The following CACNA1E variants were observed in gnomAD, a reference collection of about 807,000 sequenced individuals.
The protein encoded by CACNA1E is calcium voltage-gated channel subunit alpha1 E.
In CACNA1E, 40 loss-of-function variants were observed where a neutral mutation model predicts 259.2. The ratio of observed to expected loss-of-function variants is 0.15; its 90% CI spans 0.12 to 0.20. The LOEUF (loss-of-function observed/expected upper bound fraction) is 0.20, where lower values mean the gene tolerates loss of function less well. CACNA1E is among the 10% of genes least tolerant of loss of function. The probability of loss-of-function intolerance (pLI) is 1.00; values close to 1 mark genes in which losing one functional copy is unlikely to be tolerated. For missense variants in CACNA1E, 1,874 were observed against 3,040.1 expected, an observed-to-expected ratio of 0.62 and a Z score of 9.02; for synonymous variants, 1,104 against 1,138.5, an observed-to-expected ratio of 0.97 and a Z score of 0.61.
chr1:181,745,301 A>T, intron 25 of CACNA1E: 1 of 455,698 alleles, frequency 2.2e-6, no homozygotes. Flanking sequence ...CCTTTATCTT[A>T]TGGAGGCAAT....
intron 8 of CACNA1E, 50 bp downstream of exon 8, chr1:181,711,119 A>AG (rs779846689): frequency 9.5e-6 from 12 of 1,263,150 alleles, no homozygotes; most frequent in Non-Finnish European, 1.4e-5. Context: ...CAGAGACATC[A>AG]GGGCCGGCCC....
At chr1:181,660,291 A>G (rs916783852) in intron 7 of CACNA1E, among the ~76,000 whole-genome samples, 28 of 152,204 alleles carry the variant, frequency 1.8e-4, no homozygotes, top group Non-Finnish European at 1.2e-4. Flanking sequence ...GTGTTTATTG[A>G]GTGTCTGCTA....
intron 3 of CACNA1E, among the ~76,000 whole-genome samples, chr1:181,513,059 A>G (rs12406804): frequency 0.076 from 11,603 of 152,250 alleles, 590 homozygotes; most frequent in South Asian, 0.25. Context: ...AAAGTATTGT[A>G]ATGTGTATAT....
At position 181,382,647 on chromosome 1, in the gene CACNA1E, C is replaced by T. The variant is rs186843348; in HGVS notation, c.-14-30486C>T. On this transcript the variant is annotated intron_variant, in intron 1 of 11. Coordinates refer to the CACNA1E transcript ENST00000524607. ...GGCCTAATATTACTCCTTGACCAAC[C>T]ACCTTATTTTCCACTCTGCTCTGTA... 2.6e-5 allele frequency among the ~76,000 whole-genome samples: 4 copies of T among 152,258 alleles called. No homozygotes were observed. In the East Asian group the frequency reaches 7.7e-4, roughly 29 times the overall value.
intron 6 of CACNA1E, among the ~76,000 whole-genome samples, chr1:181,597,309 A>G (rs2103048200): frequency 6.6e-6 from 1 of 152,260 alleles, no homozygotes; most frequent in East Asian, 1.9e-4. Context: ...GGGCTCCCTT[A>G]TTATTGTCAA....
At chr1:181,744,369 C>T (rs936699971) in intron 25 of CACNA1E, among the ~76,000 whole-genome samples, 1 of 152,286 alleles carries the variant, frequency 6.6e-6, no homozygotes, top group African/African-American at 2.4e-5. Flanking sequence ...GTAACCCCAA[C>T]GAGTCGGGAG....
intron 3 of CACNA1E, among the ~76,000 whole-genome samples, chr1:181,556,143 G>A (rs974883378): frequency 2.0e-5 from 3 of 152,146 alleles, no homozygotes; most frequent in African/African-American, 7.2e-5. Context: ...GTGTAAGGAT[G>A]CAGGATGGGT....
chr1:181,426,006 T>G (rs1401807837), intron 2 of CACNA1E, among the ~76,000 whole-genome samples: 2 of 152,076 alleles, frequency 1.3e-5, no homozygotes, highest in Non-Finnish European at 2.9e-5. Context: ...CTGCAACCCT[T>G]CCCAAATTTA....
At chr1:181,588,525 T>TA (rs1652317335) in intron 6 of CACNA1E, among the ~76,000 whole-genome samples, 1 of 152,174 alleles carries the variant, frequency 6.6e-6, no homozygotes, top group Admixed American at 6.5e-5. Context: ...AAGTTATTCC[T>TA]ACTCATTGCA....
intron 1 of CACNA1E, among the ~76,000 whole-genome samples, chr1:181,408,763 G>A (rs913599633): frequency 3.4e-4 from 51 of 152,236 alleles, no homozygotes; most frequent in Non-Finnish European, 1.6e-4. Flanking sequence ...TAGGTAGGAA[G>A]CAAGGGTTAG....
chr1:181,606,160 T>C (rs1170074997), intron 6 of CACNA1E, among the ~76,000 whole-genome samples: 1 of 152,150 alleles, frequency 6.6e-6, no homozygotes, highest in Non-Finnish European at 1.5e-5. Context: ...GAGTTGAATT[T>C]CTATTTCCAG....
At chr1:181,579,437 G>T (rs1242603668) in intron 5 of CACNA1E, among the ~76,000 whole-genome samples, 1 of 152,156 alleles carries the variant, frequency 6.6e-6, no homozygotes, top group Non-Finnish European at 1.5e-5. Flanking sequence ...ATATGTAGTT[G>T]GAAGATTTCA....
intron 3 of CACNA1E, among the ~76,000 whole-genome samples, chr1:181,524,695 A>G (rs1203122395): frequency 6.6e-6 from 1 of 152,220 alleles, no homozygotes; most frequent in Non-Finnish European, 1.5e-5. Flanking sequence ...GAGAGTAAGA[A>G]TAAGGCATAC....
chr1:181,629,722 A>C (rs1406190939), intron 6 of CACNA1E, among the ~76,000 whole-genome samples: 1 of 152,216 alleles, frequency 6.6e-6, no homozygotes, highest in Non-Finnish European at 1.5e-5. Context: ...GGACAAAGGA[A>C]GAGAGTAAGC....
At chr1:181,728,738 C>G (rs1390926634) in intron 18 of CACNA1E, among the ~76,000 whole-genome samples, 5 of 151,516 alleles carry the variant, frequency 3.3e-5, no homozygotes, top group Non-Finnish European at 7.4e-5. Flanking sequence ...GTACAATGCT[C>G]AGGTGTGTGT....
At chr1:181,717,031 G>A in intron 10 of CACNA1E, 62 bp from the exon 11 acceptor site, 1 of 1,434,788 alleles carries the variant, frequency 7.0e-7, no homozygotes, top group Admixed American at 1.7e-5. Context: ...CCCTTCGAAT[G>A]CTCCCTGGCC....
chr1:181,783,049 C>T (rs752913324), intron 39 of CACNA1E, among the ~76,000 whole-genome samples: 1 of 152,178 alleles, frequency 6.6e-6, no homozygotes, highest in Non-Finnish European at 1.5e-5. Context: ...CCCCATCCTC[C>T]TACCCCAGAG....
At chr1:181,788,431 A>G (rs1661024874) in intron 43 of CACNA1E, among the ~76,000 whole-genome samples, 1 of 152,202 alleles carries the variant, frequency 6.6e-6, no homozygotes. Context: ...CAGACATTAA[A>G]CAGAGGATTA....
Position 181,758,862 on chromosome 1 carries a change from C to A in CACNA1E, c.4599C>A (p.Gly1533=), listed in dbSNP as rs746008322. 1.9e-6 allele frequency: 3 copies of A among 1,586,010 alleles called. No homozygotes were observed. The Admixed American group carries it at 5.0e-5, about 26-fold the overall frequency. ...LECVLKVIAF[G]FLNYFRDTWN... ...GTGTCCTGAAGGTCATCGCTTTTGG[C>A]TTTTTGGTATGTTGCTGAATCCTTC... The change falls in exon 32 of 48, where the codon GGC becomes GGA. Residue 1533 remains glycine (G), a synonymous_variant. Coordinates refer to ENST00000367573, the MANE Select transcript of CACNA1E (RefSeq NM_001205293.3). This position sits in a 1 kb window ranked among gnomAD's most constrained non-coding sequence, Gnocchi z 4.2.
Sources: allele counts gnomAD v4.1 joint callset (sites outside exome capture counted in the v4.1 genomes callset), GRCh38; gene constraint gnomAD v4.1.1; non-coding constraint Gnocchi (gnomAD v3.1); transcripts MANE v1.5; gene names NCBI Gene and HGNC (gene_info 2026-07-23, HGNC 2026-07-21).